FYCO1: variants seen among roughly 807,000 people sequenced by gnomAD.
The protein encoded by FYCO1 is FYVE and coiled-coil domain-containing protein 1.
Under a neutral mutation model 165.1 loss-of-function variants are expected in FYCO1, and 122 were observed. The ratio of observed to expected loss-of-function variants is 0.74; its 90% CI spans 0.64 to 0.86. The LOEUF (loss-of-function observed/expected upper bound fraction) is 0.86, where lower values mean the gene tolerates loss of function less well. Ranked by LOEUF, FYCO1 falls within the 40% of genes least tolerant of loss-of-function variation. The pLI, the probability that FYCO1 is intolerant of heterozygous loss-of-function variation, is 0.00. For missense variants in FYCO1, 1,702 were observed against 1,810.3 expected (o/e 0.94, Z 1.09); for synonymous variants, 648 against 742.5 (o/e 0.87, Z 2.07).
chr3:45,962,524 C>T lies in FYCO1; in HGVS notation c.3270-132G>A, dbSNP rs907086157. 61 of 792,244 alleles carry T rather than the reference C, an allele frequency of 7.7e-5. No homozygotes were observed. The Admixed American group carries it at 1.1e-3, about 15-fold the overall frequency. The allele number at this position is 792,244 out of a possible 1,614,324, so 49.1% of individuals were successfully genotyped here. A position where few individuals can be genotyped will look rare whatever the true frequency, so the allele number is the denominator to read the frequency against. On this transcript the variant is annotated intron_variant, in intron 10 of 17. Coordinates refer to ENST00000296137, the MANE Select transcript of FYCO1 (RefSeq NM_024513.4). The surrounding 1 kb of genome is among the most constrained non-coding windows in gnomAD (Gnocchi z 4.4). ...GGGGGAGCCCCTTGGTATCTGCTCA[C>T]AGCTTATGCAGTCCCCTAGCTTTTG... is the stretch of plus-strand genomic sequence containing the variant.
At chr3:45,990,188 CT>C (rs1707499292) in intron 1 of FYCO1, among the ~76,000 whole-genome samples, 1 of 152,150 alleles carries the variant, frequency 6.6e-6, no homozygotes, top group African/African-American at 2.4e-5. Flanking sequence ...AAAACATGGC[CT>C]TGAGGAAGCA....
intron 14 of FYCO1, among the ~76,000 whole-genome samples, chr3:45,952,075 C>G (rs1705064985): frequency 6.6e-6 from 1 of 152,196 alleles, no homozygotes; most frequent in South Asian, 2.1e-4. Flanking sequence ...ATCCAGCCTC[C>G]TGAGGCTTCA....
intron 14 of FYCO1, among the ~76,000 whole-genome samples, chr3:45,942,946 C>T (rs530335981): frequency 2.6e-5 from 4 of 152,290 alleles, no homozygotes; most frequent in Admixed American, 6.5e-5. Context: ...TGTGTATCTT[C>T]GATTTTCCAG....
rs369490186 is a variant in FYCO1, at chr3:45,975,201, C to A, written c.395+38G>T. On this transcript the variant is annotated intron_variant, in intron 5 of 17. Coordinates refer to ENST00000296137, the MANE Select transcript of FYCO1 (RefSeq NM_024513.4). ...TAATGAACTTTAGTTCATTTCTGCACGGGATGATCCCAAACCCCAGCCCTG... is the reference window on the plus strand; with the variant it reads ...TAATGAACTTTAGTTCATTTCTGCAAGGGATGATCCCAAACCCCAGCCCTG... 9 of 1,363,226 alleles carry A rather than the reference C, an allele frequency of 6.6e-6. No individual in the cohort carries two copies. In the African/African-American group the frequency reaches 1.3e-4, roughly 19 times the overall value. The allele number at this position is 1,363,226 out of a possible 1,614,324, so 84.4% of individuals were successfully genotyped here.
Position 45,923,746 on chromosome 3 carries a change from C to T in FYCO1, c.4271G>A (p.Arg1424Gln), listed in dbSNP as rs140159323. 240 of 1,613,834 alleles carry T rather than the reference C, an allele frequency of 1.5e-4. No homozygotes were observed. Among genetic ancestry groups the T allele is most frequent in the Non-Finnish European group, 1.7e-4 (198 of 1,179,914 alleles). ...DQCKVLIPTT[R>Q]CNSHKENIQG... ...GATGTTCTCCTTGTGGGAGTTGCAT[C>T]GGGTCGTGGGAATGAGGACCTGGGA... Residue 1424 changes from arginine (R) to glutamine (Q), a missense_variant, in exon 17 of 18, where the codon CGA becomes CAA. Coordinates refer to ENST00000296137, the MANE Select transcript of FYCO1 (RefSeq NM_024513.4).
At chr3:45,972,322 A>G (rs1001110008) in intron 6 of FYCO1, among the ~76,000 whole-genome samples, 6 of 152,212 alleles carry the variant, frequency 3.9e-5, no homozygotes, top group Admixed American at 2.0e-4. Context: ...GGACATCTGA[A>G]TATGGCAAAA....
intron 5 of FYCO1, among the ~76,000 whole-genome samples, chr3:45,973,682 G>A (rs1446531849): frequency 1.3e-5 from 2 of 152,290 alleles, no homozygotes; most frequent in East Asian, 3.9e-4. Flanking sequence ...AGCACCGTAA[G>A]ACAGGGTGAG....
intron 7 of FYCO1, 101 bp from the exon 8 acceptor site, chr3:45,968,804 C>T: frequency 2.2e-6 from 3 of 1,337,354 alleles, no homozygotes; most frequent in Non-Finnish European, 3.2e-6. Context: ...AAAATACAGG[C>T]ATTACCTGCC....
chr3:45,931,091 T>C lies in FYCO1; in HGVS notation c.4231A>G (p.Thr1411Ala). The change falls in exon 16 of 18, where the codon ACA becomes GCA. Residue 1411 changes from threonine to alanine, a missense_variant. By Grantham distance (58) the Thr-to-Ala change is moderately conservative. Transcript: ENST00000296137. ...CTTACCTTACACTGATCCAGCGGTG[T>C]GTCCTCGGCCTCCTGGAAGACCACA... ...FSVVFQEAED[T>A]PLDQCKVLIP... 6.2e-7 allele frequency: 1 copy of C among 1,613,706 alleles called. No individual in the cohort carries two copies. The highest frequency in any genetic ancestry group is 8.5e-7 in the Non-Finnish European group (1 of 1,179,870).
chr3:45,968,753 G>A (rs983645132), intron 7 of FYCO1, 50 bp from the exon 8 acceptor site: 1 of 1,609,170 alleles, frequency 6.2e-7, no homozygotes, highest in Non-Finnish European at 8.5e-7. Flanking sequence ...AAGCTACAGG[G>A]CTATTTAGAA....
intron 3 of FYCO1, among the ~76,000 whole-genome samples, chr3:45,980,835 A>C (rs1262318547): frequency 6.6e-6 from 1 of 152,230 alleles, no homozygotes; most frequent in Non-Finnish European, 1.5e-5. Context: ...AATAGAAAAA[A>C]ATTTAACACC....
In FYCO1 at chr3:45,993,027, T is replaced by C. The variant is rs141539732; in HGVS notation, c.-113+2695A>G. ...GGGACTGGCCTAGGGTATAGTACTC[T>C]AGATTCCTGAGGTAGTTGGCCAGAT... On this transcript the variant is annotated intron_variant, in intron 1 of 17. Transcript: ENST00000296137. The surrounding 1 kb of genome is among the most constrained non-coding windows in gnomAD (Gnocchi z 4.4). Among the ~76,000 whole-genome samples the C allele has an allele frequency of 4.8e-4, 73 of 152,300 alleles. No homozygotes were observed. Among genetic ancestry groups the C allele is most frequent in the African/African-American group, 1.6e-3 (68 of 41,550 alleles).
At chr3:45,961,057 G>C (rs1705671625) in intron 11 of FYCO1, among the ~76,000 whole-genome samples, 1 of 152,102 alleles carries the variant, frequency 6.6e-6, no homozygotes, top group Non-Finnish European at 1.5e-5. Flanking sequence ...TGACACCATG[G>C]GGATGCAATC....
intron 6 of FYCO1, among the ~76,000 whole-genome samples, 171 bp from the exon 7 acceptor site, chr3:45,969,936 T>C (rs1706325638): frequency 6.6e-6 from 1 of 152,208 alleles, no homozygotes; most frequent in Non-Finnish European, 1.5e-5. Context: ...CACTGGTCTG[T>C]AACAGATAAA....
chr3:45,962,237 A>G lies in FYCO1; in HGVS notation c.3425T>C (p.Ile1142Thr), dbSNP rs746250940. 6.9e-5 allele frequency: 112 copies of G among 1,614,084 alleles called. No individual in the cohort carries two copies. In the Admixed American group the frequency reaches 1.8e-3, roughly 26 times the overall value. ...RTKKYLEERLIELLRDKDALW... is the reference protein window; with the variant it reads ...RTKKYLEERLTELLRDKDALW... ...ACACAGCACTCACCTGAGCAGCTCT[A>G]TCAGCCGCTCCTCGAGATACTTCTT... Residue 1142 changes from isoleucine (I) to threonine (T), a missense_variant, in exon 11 of 18, where the codon ATA (isoleucine) becomes ACA (threonine). By Grantham distance (89) the Ile-to-Thr change is moderately conservative. Transcript: ENST00000296137. This position sits in a 1 kb window ranked among gnomAD's most constrained non-coding sequence, Gnocchi z 4.4.
At chr3:45,946,301 T>C in intron 14 of FYCO1, 3 of 582,588 alleles carry the variant, frequency 5.1e-6, no homozygotes, top group Non-Finnish European at 9.1e-6. Flanking sequence ...CCCCTCAGAA[T>C]TGGTTATCTT....
At position 45,921,507 on chromosome 3, in the gene FYCO1, G is replaced by A; in HGVS notation, c.*258C>T. The A allele has an allele frequency of 8.3e-6, 4 of 480,606 alleles. No individual in the cohort carries two copies. The highest frequency in any genetic ancestry group is 1.5e-5 in the Non-Finnish European group (4 of 261,436). 29.8% of individuals were successfully genotyped at this position (480,606 alleles called of 1,614,324 possible). On this transcript the variant is annotated 3_prime_UTR_variant, in exon 18 of 18. Coordinates refer to ENST00000296137, the MANE Select transcript of FYCO1 (RefSeq NM_024513.4). ...CCTGGGTGTTTAAACCTTTGGCAGAGCATCCCTTTGGGTGTGACAACAGCT... is the reference window on the plus strand; with the variant it reads ...CCTGGGTGTTTAAACCTTTGGCAGAACATCCCTTTGGGTGTGACAACAGCT...
In FYCO1 at chr3:45,921,638, T is replaced by C. The variant is rs1205768578; in HGVS notation, c.*127A>G. The C allele has an allele frequency of 1.4e-6, 1 of 733,586 alleles. No individual in the cohort carries two copies. The highest frequency in any genetic ancestry group is 2.5e-6 in the Non-Finnish European group (1 of 404,302). 45.4% of individuals were successfully genotyped at this position (733,586 alleles called of 1,614,324 possible). On this transcript the variant is annotated 3_prime_UTR_variant, in exon 18 of 18. Transcript: ENST00000296137. Reference sequence around the variant, plus strand: ...CAAAGTCCTCCCCAGACACCGCCTCTGAGGGGCAGCCCAGGGGCTGAGTTG... The same window carrying C: ...CAAAGTCCTCCCCAGACACCGCCTCCGAGGGGCAGCCCAGGGGCTGAGTTG...
intron 1 of FYCO1, among the ~76,000 whole-genome samples, chr3:45,989,718 C>T (rs1188777284): frequency 6.6e-6 from 1 of 152,146 alleles, no homozygotes; most frequent in Admixed American, 6.5e-5. Context: ...TGGTCCCCTT[C>T]CCCCCACCAA....
Sources: gnomAD v4.1 joint callset for allele counts (sites outside exome capture counted in the v4.1 genomes callset) on GRCh38, gnomAD v4.1.1 for gene constraint, Gnocchi (gnomAD v3.1) non-coding constraint, MANE v1.5 for transcripts, NCBI Gene and HGNC (gene_info 2026-07-23, HGNC 2026-07-21) for gene names.